CEP41: variants seen among roughly 807,000 people sequenced by gnomAD.
CEP41 encodes centrosomal protein of 41 kDa.
Under a neutral mutation model 44.3 loss-of-function variants are expected in CEP41, and 32 were observed. That is an observed-to-expected ratio of 0.72 (90% CI 0.54 to 0.97). CEP41 has a LOEUF of 0.97. Ranked by LOEUF, CEP41 falls within the 50% of genes least tolerant of loss-of-function variation. The probability of loss-of-function intolerance (pLI) is 0.00; values close to 1 mark genes in which losing one functional copy is unlikely to be tolerated. For missense variants in CEP41, 432 were observed against 455.2 expected (o/e 0.95, Z 0.46); for synonymous variants, 151 against 168.5 (o/e 0.90, Z 0.80).
chr7:130,437,481 A>G (rs1435327635), intron 1 of CEP41, among the ~76,000 whole-genome samples: 2 of 151,956 alleles, frequency 1.3e-5, no homozygotes, highest in African/African-American at 4.8e-5. Context: ...GTTTTGCAAG[A>G]TGCTGATGAT....
chr7:130,441,210 T>C (rs886062003), upstream of CEP41: 2 of 468,502 alleles, frequency 4.3e-6, no homozygotes, highest in African/African-American at 2.3e-5. Context: ...TTTTGTTCTC[T>C]GGGCTGGGGC....
chr7:130,439,251 G>C (rs114858817), intron 1 of CEP41, among the ~76,000 whole-genome samples: 4,608 of 152,094 alleles, frequency 0.03, 256 homozygotes, highest in African/African-American at 0.1. Flanking sequence ...CTTACTTTAA[G>C]AATTCAGTAC....
chr7:130,406,046 A>G (rs1478499255), intron 5 of CEP41, among the ~76,000 whole-genome samples: 2 of 152,160 alleles, frequency 1.3e-5, no homozygotes, highest in Non-Finnish European at 2.9e-5. Flanking sequence ...AAATAATGCT[A>G]TTTTTCATAA....
intron 2 of CEP41, chr7:130,417,384 T>C: frequency 1.9e-6 from 2 of 1,075,318 alleles, no homozygotes; most frequent in Non-Finnish European, 2.3e-6. Context: ...AAATGTGCCT[T>C]TGTGGTTACC....
At chr7:130,421,873 A>T in intron 2 of CEP41, 1 of 1,503,318 alleles carries the variant, frequency 6.7e-7, no homozygotes, top group Non-Finnish European at 8.8e-7. Context: ...AGAAACCCAG[A>T]GAGGGTGCTT....
chr7:130,414,125 T>C (rs946815604), intron 3 of CEP41, among the ~76,000 whole-genome samples: 2 of 152,216 alleles, frequency 1.3e-5, no homozygotes, highest in African/African-American at 2.4e-5. Flanking sequence ...TAGCCTTCTG[T>C]AAATATATCA....
chr7:130,410,259 C>T (rs1797140868), intron 5 of CEP41, among the ~76,000 whole-genome samples: 1 of 151,944 alleles, frequency 6.6e-6, no homozygotes, highest in African/African-American at 2.4e-5. Flanking sequence ...GAACTCCTGA[C>T]CTCGTGATCT....
In CEP41 at chr7:130,394,757, T is replaced by C. The variant is rs1200462918; in HGVS notation, c.*4134A>G. ...CTTCAATCTTGACAGGTTCAATTCATTTATTCATGAACACTTATTAAGGGC... is the reference window on the plus strand; with the variant it reads ...CTTCAATCTTGACAGGTTCAATTCACTTATTCATGAACACTTATTAAGGGC... On this transcript the variant is annotated 3_prime_UTR_variant, in exon 11 of 11. Coordinates refer to ENST00000223208, the MANE Select transcript of CEP41 (RefSeq NM_018718.3). The C allele has an allele frequency of 4.2e-5, 19 of 454,162 alleles. No individual in the cohort carries two copies. Among genetic ancestry groups the C allele is most frequent in the Middle Eastern group, 1.4e-3 (2 of 1,444 alleles). 28.1% of individuals were successfully genotyped at this position (454,162 alleles called of 1,614,324 possible).
intron 2 of CEP41, chr7:130,421,795 G>A: frequency 7.9e-7 from 1 of 1,271,638 alleles, no homozygotes; most frequent in East Asian, 3.0e-5. Flanking sequence ...AAAGACTGTG[G>A]GGACTAATAA....
rs1300140037 is a variant in CEP41 at position 130,397,951 on chromosome 7, T to C, written c.*940A>G. 2.2e-6 allele frequency: 1 copy of C among 454,454 alleles called. No individual in the cohort carries two copies. The highest frequency in any genetic ancestry group is 4.4e-6 in the Non-Finnish European group (1 of 226,808). The allele number at this position is 454,454 out of a possible 1,614,324, so 28.2% of individuals were successfully genotyped here. On this transcript the variant is annotated 3_prime_UTR_variant, in exon 11 of 11. Transcript: ENST00000223208. ...TTCTAAGCAAGGGCTTACGAGGTTGTCAGCCCTGACAAAGGACTTCGGAGT... is the reference window on the plus strand; with the variant it reads ...TTCTAAGCAAGGGCTTACGAGGTTGCCAGCCCTGACAAAGGACTTCGGAGT...
At chr7:130,430,590 G>A (rs1288947326) in intron 1 of CEP41, among the ~76,000 whole-genome samples, 1 of 152,154 alleles carries the variant, frequency 6.6e-6, no homozygotes, top group African/African-American at 2.4e-5. Context: ...AGATTGAAAA[G>A]CCAGACTTCA....
intron 5 of CEP41, among the ~76,000 whole-genome samples, chr7:130,407,707 T>C (rs1554418498): frequency 6.6e-6 from 1 of 152,098 alleles, no homozygotes; most frequent in African/African-American, 2.4e-5. Context: ...ATGGTTTAAA[T>C]GCAAACAAAC....
intron 1 of CEP41, among the ~76,000 whole-genome samples, chr7:130,437,777 AAAAAAAAAAAAGAAAAAG>A (rs1332160417): frequency 1.4e-5 from 2 of 138,642 alleles, no homozygotes; most frequent in African/African-American, 2.7e-5. Context: ...AAAAAAAAAA[AAAAAAAAAAAAGAAAAAG>A]AAAAAAAAAG....
intron 5 of CEP41, chr7:130,410,781 A>T: frequency 2.8e-6 from 1 of 358,638 alleles, no homozygotes; most frequent in Non-Finnish European, 5.3e-6. Flanking sequence ...TGTCAATTTC[A>T]TGTAAGCAGA....
chr7:130,410,940 C>T, intron 5 of CEP41, 182 bp downstream of exon 5: 1 of 661,778 alleles, frequency 1.5e-6, no homozygotes, highest in Non-Finnish European at 2.7e-6. Flanking sequence ...AACCAGATGG[C>T]TTTTTAAAAT....
chr7:130,408,526 G>T (rs1012085856), intron 5 of CEP41, among the ~76,000 whole-genome samples: 1 of 152,092 alleles, frequency 6.6e-6, no homozygotes, highest in Non-Finnish European at 1.5e-5. Context: ...ATAAAAAACT[G>T]TTAGATACTA....
intron 3 of CEP41, among the ~76,000 whole-genome samples, chr7:130,416,059 A>C (rs1429174686): frequency 6.6e-6 from 1 of 152,190 alleles, no homozygotes; most frequent in Admixed American, 6.5e-5. Context: ...TTTGATTTCA[A>C]ATAAAAGGTC....
chr7:130,404,499 T>G, intron 6 of CEP41, 65 bp downstream of exon 6: 3 of 1,366,128 alleles, frequency 2.2e-6, no homozygotes, highest in Non-Finnish European at 3.1e-6. Context: ...AAAAGATCCC[T>G]GAAATTGGCG....
At position 130,396,917 on chromosome 7, in the gene CEP41, T is replaced by C. The variant is rs185337247; in HGVS notation, c.*1974A>G. ...GTTGTCTGACGATGGGAACGCAGAA[T>C]CGGAACAAGGAGGGAAGACCATTTA... On this transcript the variant is annotated 3_prime_UTR_variant, in exon 11 of 11. Coordinates refer to ENST00000223208, the MANE Select transcript of CEP41 (RefSeq NM_018718.3). The C allele has an allele frequency of 2.4e-3, 1,096 of 450,278 alleles. 5 individuals are homozygous for C. The highest frequency in any genetic ancestry group is 3.6e-3 in the Non-Finnish European group (805 of 225,152). The allele number at this position is 450,278 out of a possible 1,614,324, so 27.9% of individuals were successfully genotyped here.
Sources: allele counts gnomAD v4.1 joint callset (sites outside exome capture counted in the v4.1 genomes callset), GRCh38; gene constraint gnomAD v4.1.1; transcripts MANE v1.5; gene names NCBI Gene and HGNC (gene_info 2026-07-23, HGNC 2026-07-21).